PASD1: variants seen among roughly 807,000 people sequenced by gnomAD.
PASD1 encodes the protein circadian clock protein PASD1.
A neutral mutation model predicts 58.8 loss-of-function variants in PASD1; 13 were observed. The ratio of observed to expected loss-of-function variants is 0.22; its 90% CI spans 0.14 to 0.35. The LOEUF is 0.35. PASD1 is among the 10% of genes least tolerant of loss of function. The probability of loss-of-function intolerance (pLI) is 1.00; values close to 1 mark genes in which losing one functional copy is unlikely to be tolerated. For synonymous variants in PASD1, 236 were observed against 216.7 expected, an observed-to-expected ratio of 1.09 and a Z score of -0.78; for missense variants, 734 against 568.3, an observed-to-expected ratio of 1.29 and a Z score of -2.96.
At chrX:151,645,359 G>A (rs1412191782) in intron 8 of PASD1, among the ~76,000 whole-genome samples, 4 of 111,858 alleles carry the variant, frequency 3.6e-5, no homozygotes, top group Admixed American at 9.5e-5. Context: ...CTCCATTGAC[G>A]TATGAAAGGA....
At chrX:151,608,687 G>A (rs868794677) in intron 3 of PASD1, among the ~76,000 whole-genome samples, 16 of 110,745 alleles carry the variant, frequency 1.4e-4, no homozygotes, top group African/African-American at 4.9e-4. Flanking sequence ...GTTATTTCTT[G>A]TGTATGCCAT....
chrX:151,577,220 A>G (rs2013020269), intron 1 of PASD1, among the ~76,000 whole-genome samples: 1 of 112,058 alleles, frequency 8.9e-6, no homozygotes, highest in Admixed American at 9.5e-5. Context: ...CTGTTATGCT[A>G]AGTTGCTCAT....
Position 151,671,129 on chromosome X carries a change from C to T in PASD1, c.1163C>T (p.Thr388Ile), listed in dbSNP as rs372131422. 9 of 1,210,240 alleles carry T rather than the reference C, an allele frequency of 7.4e-6. No individual in the cohort carries two copies. The highest frequency in any genetic ancestry group is 4.4e-5 in the Admixed American group (2 of 45,766). ...KKLKEQLEER[T>I]WLLHDAIQNQ... ...TTGAAGGAGCAGCTAGAAGAGAGGA[C>T]TTGGTTGCTGCATGATGCCATCCAA... The change falls in exon 12 of 16, where the codon ACT becomes ATT. Residue 388 changes from threonine (T) to isoleucine (I), a missense_variant. Coordinates refer to ENST00000370357, the MANE Select transcript of PASD1 (RefSeq NM_173493.3).
chrX:151,615,928 A>G (rs998088341), intron 4 of PASD1, among the ~76,000 whole-genome samples: 7 of 112,447 alleles, frequency 6.2e-5, no homozygotes, highest in African/African-American at 2.3e-4. Context: ...TGACATTTAT[A>G]CAGAGACCTG....
chrX:151,621,091 A>G, intron 5 of PASD1, 62 bp downstream of exon 5: 3 of 726,868 alleles, frequency 4.1e-6, no homozygotes, highest in African/African-American at 4.2e-5. Flanking sequence ...CAATCGCTCA[A>G]TGGATTAATT....
intron 4 of PASD1, among the ~76,000 whole-genome samples, chrX:151,612,250 T>C (rs1163279931): frequency 2.1e-5 from 2 of 94,667 alleles, no homozygotes; most frequent in East Asian, 6.1e-4. Context: ...AAGTCTTTGC[T>C]ATTGTGAATA....
chrX:151,586,840 C>G (rs1432982045), intron 1 of PASD1, among the ~76,000 whole-genome samples: 1 of 111,669 alleles, frequency 9.0e-6, no homozygotes, highest in Non-Finnish European at 1.9e-5. Flanking sequence ...GCCCCTTGCC[C>G]TGAATCAGTG....
intron 9 of PASD1, among the ~76,000 whole-genome samples, chrX:151,653,867 CCTCTTTCTTTCT>C (rs1569413864): frequency 1.0e-4 from 2 of 19,867 alleles, no homozygotes; most frequent in African/African-American, 2.9e-4. Flanking sequence ...TCCCTCCCTC[CCTCTTTCTTTCT>C]TTCTTTCTTT....
rs769421326 is a variant in PASD1 at position 151,607,506 on chromosome X, G to A, written c.117+2772G>A. Among the ~76,000 whole-genome samples the A allele has an allele frequency of 6.3e-5, 7 of 111,537 alleles. No individual in the cohort carries two copies. The South Asian group carries it at 2.7e-3, about 42-fold the overall frequency. On this transcript the variant is annotated intron_variant, in intron 3 of 15. Transcript: ENST00000370357. The stretch of plus-strand genomic sequence containing the variant: ...GGGGGAAAGTAAGGCAGGGAAGAAG[G>A]GAACTGAAATATAGGGTAGTTTATT...
intron 4 of PASD1, among the ~76,000 whole-genome samples, chrX:151,619,613 G>C (rs532259014): frequency 1.8e-5 from 2 of 111,603 alleles, no homozygotes; most frequent in South Asian, 7.5e-4. Context: ...CAAGGGAAAA[G>C]GAAGGATCAA....
At chrX:151,598,968 C>A (rs1006105268) in intron 1 of PASD1, among the ~76,000 whole-genome samples, 1 of 111,103 alleles carries the variant, frequency 9.0e-6, no homozygotes, top group Admixed American at 9.5e-5. Flanking sequence ...AGGGCCCTGC[C>A]GCCTTCCGCA....
chrX:151,625,388 C>A, intron 7 of PASD1, 60 bp from the exon 8 acceptor site: 1 of 859,628 alleles, frequency 1.2e-6, no homozygotes, highest in Non-Finnish European at 1.7e-6. Flanking sequence ...TTAATATATG[C>A]TGTGCATTTT....
At chrX:151,649,842 G>A (rs1295419964) in intron 9 of PASD1, among the ~76,000 whole-genome samples, 2 of 112,189 alleles carry the variant, frequency 1.8e-5, no homozygotes, top group Non-Finnish European at 3.8e-5. Context: ...GAATGAATTT[G>A]TACTGGGATC....
At chrX:151,603,558 T>C (rs947893910) in intron 2 of PASD1, among the ~76,000 whole-genome samples, 11 of 111,931 alleles carry the variant, frequency 9.8e-5, no homozygotes, top group Admixed American at 7.6e-4. Context: ...AAATTGACTA[T>C]GGAAGAGTGT....
chrX:151,653,748 TTCC>T (rs1252420065), intron 9 of PASD1, among the ~76,000 whole-genome samples: 8 of 25,907 alleles, frequency 3.1e-4, no homozygotes, highest in African/African-American at 6.1e-4. Context: ...CTTTCTTTCC[TTCC>T]TTCTTTCTTT....
intron 3 of PASD1, among the ~76,000 whole-genome samples, chrX:151,610,533 C>G (rs2013542622): frequency 9.0e-6 from 1 of 111,297 alleles, no homozygotes; most frequent in Non-Finnish European, 1.9e-5. Flanking sequence ...AAATATGATT[C>G]TTTATTTTAT....
intron 1 of PASD1, among the ~76,000 whole-genome samples, chrX:151,581,417 C>T (rs1321761132): frequency 9.2e-6 from 1 of 108,175 alleles, no homozygotes; most frequent in African/African-American, 3.4e-5. Flanking sequence ...TATAGTAAAA[C>T]CTATCTCTAC....
chrX:151,655,956 T>G, intron 9 of PASD1, among the ~76,000 whole-genome samples: 1 of 112,258 alleles, frequency 8.9e-6, no homozygotes, highest in Non-Finnish European at 1.9e-5. Flanking sequence ...TGGTAATGCC[T>G]AGGTTTTCTT....
rs971994655 is a variant in PASD1 at position 151,671,035 on chromosome X, C to T, written c.1072-3C>T. On this transcript the variant is annotated splice_region_variant and splice_polypyrimidine_tract_variant and intron_variant, in intron 11 of 15. Coordinates refer to ENST00000370357, the MANE Select transcript of PASD1 (RefSeq NM_173493.3). ...ATGAACCATAAGTAATTCCTCCCCA[C>T]AGCCATTACAGCCATCATCACCAGT... 1 of 1,207,983 alleles carries T rather than the reference C, an allele frequency of 8.3e-7. No homozygotes were observed. The highest frequency in any genetic ancestry group is 1.1e-6 in the Non-Finnish European group (1 of 893,534).
Sources: allele counts gnomAD v4.1 joint callset (sites outside exome capture counted in the v4.1 genomes callset), GRCh38; gene constraint gnomAD v4.1.1; transcripts MANE v1.5; gene names NCBI Gene and HGNC (gene_info 2026-07-23, HGNC 2026-07-21).